The following TIAM1 variants were observed in gnomAD, a reference collection of about 807,000 sequenced individuals.
TIAM1 encodes the protein TIAM Rac1 associated GEF 1.
In TIAM1, 65 loss-of-function variants were observed where a neutral mutation model predicts 163.5. That is an observed-to-expected ratio of 0.40 (90% CI 0.33 to 0.49). The LOEUF is 0.49. Ranked by LOEUF, TIAM1 falls within the 20% of genes least tolerant of loss-of-function variation. The pLI is 0.77. For synonymous variants in TIAM1, 833 were observed against 810.1 expected, an observed-to-expected ratio of 1.03 and a Z score of -0.48; for missense variants, 1,789 against 2,044.7, an observed-to-expected ratio of 0.87 and a Z score of 2.41.
At chr21:31,320,668 T>A (rs1048660336) in intron 2 of TIAM1, among the ~76,000 whole-genome samples, 2 of 152,160 alleles carry the variant, frequency 1.3e-5, no homozygotes, top group Non-Finnish European at 2.9e-5. Context: ...TCCCTCTACC[T>A]CTCAGAGCCT....
chr21:31,443,108 GT>G (rs2044495494), intron 2 of TIAM1, among the ~76,000 whole-genome samples: 1 of 152,216 alleles, frequency 6.6e-6, no homozygotes. Flanking sequence ...GGACTGTGGA[GT>G]TTCATTTTAC....
intron 1 of TIAM1, among the ~76,000 whole-genome samples, chr21:31,465,503 G>A (rs1460955057): frequency 1.3e-5 from 2 of 151,854 alleles, no homozygotes; most frequent in East Asian, 3.9e-4. Flanking sequence ...TGAGACCAAG[G>A]CAGGGCTTCT....
chr21:31,284,880 A>G (rs1385220583), intron 2 of TIAM1, among the ~76,000 whole-genome samples: 2 of 152,040 alleles, frequency 1.3e-5, no homozygotes, highest in Admixed American at 6.6e-5. Flanking sequence ...TCCAAGGGAC[A>G]TGGCCCAACA....
chr21:31,311,709 C>T (rs1313257615), intron 2 of TIAM1, among the ~76,000 whole-genome samples: 1 of 152,144 alleles, frequency 6.6e-6, no homozygotes, highest in Non-Finnish European at 1.5e-5. Context: ...ACCTCTGCGG[C>T]CAGAAAGACA....
rs558616971 is a variant in TIAM1, at chr21:31,247,608, T to C, written c.1412-1948A>G. 9.1e-4 allele frequency among the ~76,000 whole-genome samples: 139 copies of C among 152,136 alleles called. 2 individuals carry two copies. Among genetic ancestry groups the C allele is most frequent in the East Asian group, 2.3e-3 (12 of 5,134 alleles). On this transcript the variant is annotated intron_variant, in intron 5 of 27. Coordinates refer to ENST00000541036, the MANE Select transcript of TIAM1 (RefSeq NM_001353694.2). ...ACAAGGTCTCACTATGTTACCCAGGTTGGTCTCAAATTCCTGGCCTCAAGT... is the reference window on the plus strand; with the variant it reads ...ACAAGGTCTCACTATGTTACCCAGGCTGGTCTCAAATTCCTGGCCTCAAGT...
intron 1 of TIAM1, among the ~76,000 whole-genome samples, chr21:31,342,315 T>A (rs2076043717): frequency 6.6e-6 from 1 of 151,912 alleles, no homozygotes; most frequent in Admixed American, 6.6e-5. Context: ...TTTAAAAATA[T>A]AACCAACCAG....
chr21:31,289,483 A>G (rs1264655458), intron 2 of TIAM1, among the ~76,000 whole-genome samples: 3 of 152,150 alleles, frequency 2.0e-5, no homozygotes, highest in Non-Finnish European at 4.4e-5. Flanking sequence ...TTTTCAGTAT[A>G]GGTGATTCAA....
chr21:31,140,376 C>T (rs2082793583), intron 22 of TIAM1, among the ~76,000 whole-genome samples: 1 of 152,206 alleles, frequency 6.6e-6, no homozygotes, highest in Non-Finnish European at 1.5e-5. Context: ...CATACAGAGG[C>T]ATTGACGAAT....
chr21:31,226,577 T>C (rs1370325896), intron 6 of TIAM1, among the ~76,000 whole-genome samples: 1 of 152,154 alleles, frequency 6.6e-6, no homozygotes, highest in Non-Finnish European at 1.5e-5. Context: ...AAGAAAATGG[T>C]GAGCGACACC....
chr21:31,334,986 T>C, intron 2 of TIAM1, among the ~76,000 whole-genome samples: 1 of 151,702 alleles, frequency 6.6e-6, no homozygotes, highest in South Asian at 2.1e-4. Flanking sequence ...GTTCCCGGAG[T>C]GGCCATCTGT....
rs917200203 is a variant in TIAM1 at position 31,296,780 on chromosome 21, C to G, written c.-188-19872G>C. Among the ~76,000 whole-genome samples the G allele has an allele frequency of 3.3e-5, 5 of 152,174 alleles. No individual in the cohort carries two copies. The East Asian group carries it at 9.7e-4, about 29-fold the overall frequency. ...CTGGGTTCAAGCAATTCTCCTGCCT[C>G]AGCCTCCAGAGTAGCTGGGACTACA... On this transcript the variant is annotated intron_variant, in intron 2 of 27. Transcript: ENST00000541036.
At chr21:31,548,898 A>ACCTCT (rs2048590410) in intron 1 of TIAM1, among the ~76,000 whole-genome samples, 1 of 152,014 alleles carries the variant, frequency 6.6e-6, no homozygotes, top group Admixed American at 6.6e-5. Flanking sequence ...TGCCACTAGA[A>ACCTCT]CCTCTCTAGC....
chr21:31,305,439 C>A (rs1436098947), intron 2 of TIAM1, among the ~76,000 whole-genome samples: 1 of 142,778 alleles, frequency 7.0e-6, no homozygotes, highest in Non-Finnish European at 1.5e-5. Flanking sequence ...AAAAAAAAAA[C>A]AGTTCTTAGC....
intron 2 of TIAM1, among the ~76,000 whole-genome samples, chr21:31,420,100 C>T (rs1480501334): frequency 6.6e-6 from 1 of 152,168 alleles, no homozygotes; most frequent in Non-Finnish European, 1.5e-5. Context: ...TTATAAGAAA[C>T]TTCTCTGCAA....
At chr21:31,136,475 C>T (rs2082625242) in intron 22 of TIAM1, among the ~76,000 whole-genome samples, 1 of 136,672 alleles carries the variant, frequency 7.3e-6, no homozygotes, top group African/African-American at 2.7e-5. Flanking sequence ...AGGAACAATA[C>T]AATGAAATTT....
intron 16 of TIAM1, among the ~76,000 whole-genome samples, chr21:31,155,573 C>T (rs1301165926): frequency 6.6e-6 from 1 of 152,018 alleles, no homozygotes; most frequent in East Asian, 1.9e-4. Flanking sequence ...GGTGCGATCT[C>T]AGCTCACAGC....
chr21:31,239,963 A>T (rs1286196064), intron 6 of TIAM1, among the ~76,000 whole-genome samples: 2 of 152,152 alleles, frequency 1.3e-5, no homozygotes, highest in Non-Finnish European at 2.9e-5. Context: ...CTGCAATGCC[A>T]CTCCTAGGTA....
intron 6 of TIAM1, among the ~76,000 whole-genome samples, chr21:31,240,138 C>G (rs1170177156): frequency 6.6e-6 from 1 of 152,076 alleles, no homozygotes; most frequent in East Asian, 1.9e-4. Flanking sequence ...CTCGCTTATA[C>G]CTGGTATACT....
At chr21:31,497,747 CATAAGAA>C (rs1276407097) in intron 1 of TIAM1, among the ~76,000 whole-genome samples, 1 of 152,192 alleles carries the variant, frequency 6.6e-6, no homozygotes, top group African/African-American at 2.4e-5. Flanking sequence ...GCCAGAGACA[CATAAGAA>C]ATCAGCTAAA....
Sources: gnomAD v4.1 joint callset for allele counts (sites outside exome capture counted in the v4.1 genomes callset) on GRCh38, gnomAD v4.1.1 for gene constraint, MANE v1.5 for transcripts, NCBI Gene and HGNC (gene_info 2026-07-23, HGNC 2026-07-21) for gene names.